Variants in SCRN1 observed in about 807,000 individuals in gnomAD.
SCRN1 encodes secernin-1.
In SCRN1, 19 loss-of-function variants were observed where a neutral mutation model predicts 43.3. The observed-to-expected ratio is 0.44, with a 90% CI of 0.31 to 0.64. The LOEUF (loss-of-function observed/expected upper bound fraction) is 0.64. Ranked by LOEUF, SCRN1 falls within the 30% of genes least tolerant of loss-of-function variation. The pLI is 0.09. For missense variants in SCRN1, 447 were observed against 524.1 expected (o/e 0.85, Z 1.44); for synonymous variants, 183 against 188.9 (o/e 0.97, Z 0.26).
At chr7:29,983,821 T>G (rs1011828031) in intron 1 of SCRN1, among the ~76,000 whole-genome samples, 3 of 152,188 alleles carry the variant, frequency 2.0e-5, no homozygotes, top group Admixed American at 1.3e-4. Context: ...TGTAGGAAAT[T>G]AGCATATGAT....
At chr7:29,966,159 C>CAGAGAG (rs58247318) in intron 2 of SCRN1, among the ~76,000 whole-genome samples, 10,772 of 84,278 alleles carry the variant, frequency 0.13, 1,173 homozygotes, top group Admixed American at 0.17. Context: ...GACCGAGAGA[C>CAGAGAG]AGAGAGAGAG....
chr7:29,958,295 T>G (rs1788202246), intron 2 of SCRN1, among the ~76,000 whole-genome samples: 1 of 152,236 alleles, frequency 6.6e-6, no homozygotes, highest in Non-Finnish European at 1.5e-5. Flanking sequence ...ACTTGTCTCA[T>G]GTAGATAGAC....
intron 2 of SCRN1, among the ~76,000 whole-genome samples, chr7:29,963,904 T>C (rs141640631): frequency 6.3e-4 from 96 of 152,374 alleles, no homozygotes; most frequent in Non-Finnish European, 1.0e-3. Context: ...AGTTCAAAGT[T>C]ATATATTAAA....
rs56072756 is a variant in SCRN1, at chr7:29,984,791, G to T, written c.-2+4851C>A. 3.0e-5 allele frequency among the ~76,000 whole-genome samples: 4 copies of T among 133,834 alleles called. No homozygotes were observed. The South Asian group carries it at 9.2e-4, about 31-fold the overall frequency. The allele number at this position is 133,834 out of a possible 152,430, so 87.8% of individuals were successfully genotyped here. A position where few individuals can be genotyped will look rare whatever the true frequency, so the allele number is the denominator to read the frequency against. ...CAAAAATTAGCTGGGCGTGGTGGCA[G>T]ACGCCTGTAATCCCAGCTGCTCAGA... On this transcript the variant is annotated intron_variant, in intron 1 of 7. Transcript: ENST00000242059.
At chr7:29,960,164 C>T (rs1788263273) in intron 2 of SCRN1, among the ~76,000 whole-genome samples, 1 of 152,136 alleles carries the variant, frequency 6.6e-6, no homozygotes, top group African/African-American at 2.4e-5. Flanking sequence ...GCAACATACA[C>T]ACACCCCACA....
At chr7:29,939,635 A>G (rs1325290844) in intron 5 of SCRN1, among the ~76,000 whole-genome samples, 1 of 152,236 alleles carries the variant, frequency 6.6e-6, no homozygotes, top group Non-Finnish European at 1.5e-5. Flanking sequence ...GGGTGTGGCT[A>G]CAGTCCAATA....
chr7:29,936,212 C>T (rs1787319983), intron 6 of SCRN1, among the ~76,000 whole-genome samples: 1 of 152,172 alleles, frequency 6.6e-6, no homozygotes, highest in African/African-American at 2.4e-5. Flanking sequence ...TTTCTGTATC[C>T]CTCATGTACC....
At chr7:29,964,087 C>G (rs112338959) in intron 2 of SCRN1, among the ~76,000 whole-genome samples, 91 of 152,204 alleles carry the variant, frequency 6.0e-4, no homozygotes, top group African/African-American at 2.1e-3. Flanking sequence ...TACTGTGAAC[C>G]TTTTAAATAT....
chr7:29,947,254 G>C lies in SCRN1; in HGVS notation c.342-3075C>G, dbSNP rs1287248902. 3.9e-6 allele frequency: 6 copies of C among 1,550,580 alleles called. No individual in the cohort carries two copies. In the East Asian group the frequency reaches 1.5e-4, roughly 38 times the overall value. The stretch of plus-strand genomic sequence containing the variant: ...TAGTTTTATAGGAAAATCTTTCCCT[G>C]GGAGCCCATGACCTTCTCACAGGTA... On this transcript the variant is annotated intron_variant, in intron 3 of 7. Coordinates refer to ENST00000242059, the MANE Select transcript of SCRN1 (RefSeq NM_014766.5).
chr7:29,930,345 C>T (rs983627280), intron 6 of SCRN1, among the ~76,000 whole-genome samples: 1 of 152,152 alleles, frequency 6.6e-6, no homozygotes, highest in Admixed American at 6.5e-5. Flanking sequence ...ATGGGGGTAA[C>T]TCAGTGGTTC....
At chr7:29,962,382 C>T (rs1490415742) in intron 2 of SCRN1, among the ~76,000 whole-genome samples, 3 of 151,708 alleles carry the variant, frequency 2.0e-5, no homozygotes, top group African/African-American at 7.3e-5. Context: ...CCTCAGGACA[C>T]ATGTTTAAAA....
intron 1 of SCRN1, chr7:29,969,991 T>A (rs1168760041): frequency 7.3e-6 from 3 of 409,338 alleles, no homozygotes; most frequent in Admixed American, 2.5e-5. Context: ...AACCTCCCAC[T>A]CCTCTCCACC....
At chr7:29,951,551 A>G (rs1787922921) in intron 3 of SCRN1, among the ~76,000 whole-genome samples, 1 of 152,158 alleles carries the variant, frequency 6.6e-6, no homozygotes, top group South Asian at 2.1e-4. Flanking sequence ...CCAAATTCCC[A>G]CTTTTATGTT....
At chr7:29,936,486 A>G (rs759436836) in intron 6 of SCRN1, 70 bp downstream of exon 6, 334 of 1,375,110 alleles carry the variant, frequency 2.4e-4, no homozygotes, top group Non-Finnish European at 3.2e-4. Context: ...GGCGCTTACT[A>G]CGCACTTGCT....
intron 7 of SCRN1, 47 bp downstream of exon 7, chr7:29,926,405 G>T (rs373499738): frequency 1.3e-6 from 2 of 1,588,682 alleles, no homozygotes; most frequent in South Asian, 2.2e-5. Flanking sequence ...CGCTGACCTC[G>T]CCCGCCCGCC....
At chr7:29,945,765 ACCTC>A (rs1339036941) in intron 3 of SCRN1, among the ~76,000 whole-genome samples, 1 of 151,768 alleles carries the variant, frequency 6.6e-6, no homozygotes, top group Non-Finnish European at 1.5e-5. Flanking sequence ...AAACAATACT[ACCTC>A]CCTCTCTGGC....
intron 1 of SCRN1, chr7:29,969,732 A>T: frequency 2.3e-6 from 1 of 436,686 alleles, no homozygotes; most frequent in South Asian, 1.6e-5. Flanking sequence ...GGGAAAATGC[A>T]TCCATGCTCA....
chr7:29,969,521 A>G (rs999023423), intron 1 of SCRN1, among the ~76,000 whole-genome samples: 1 of 152,218 alleles, frequency 6.6e-6, no homozygotes, highest in Non-Finnish European at 1.5e-5. Flanking sequence ...TGTGATGAGG[A>G]AATGGGTCTA....
intron 1 of SCRN1, among the ~76,000 whole-genome samples, chr7:29,971,068 T>C (rs1477119212): frequency 2.0e-5 from 3 of 152,188 alleles, no homozygotes; most frequent in Non-Finnish European, 2.9e-5. Flanking sequence ...ATTTGTGTCA[T>C]CAATTATCCA....
Sources: allele counts gnomAD v4.1 joint callset (sites outside exome capture counted in the v4.1 genomes callset), GRCh38; gene constraint gnomAD v4.1.1; transcripts MANE v1.5; gene names NCBI Gene and HGNC (gene_info 2026-07-23, HGNC 2026-07-21).